MARK4: variants seen among roughly 807,000 people sequenced by gnomAD.
MARK4 encodes the protein microtubule affinity regulating kinase 4.
In MARK4, 19 loss-of-function variants were observed where a neutral mutation model predicts 81.5. The observed-to-expected ratio is 0.23, with a 90% confidence interval of 0.16 to 0.34. MARK4 has a LOEUF of 0.34. Among genes scored for constraint, MARK4 ranks in the 10% least tolerant of loss-of-function variants. The pLI, the probability that MARK4 is intolerant of heterozygous loss-of-function variation, is 1.00. For missense variants in MARK4, 772 were observed against 1,058.8 expected, an observed-to-expected ratio of 0.73 and a Z score of 3.76; for synonymous variants, 436 against 439.0, an observed-to-expected ratio of 0.99 and a Z score of 0.08.
At chr19:45,267,092 A>G (rs1038500705) in intron 7 of MARK4, among the ~76,000 whole-genome samples, 30 of 138,108 alleles carry the variant, frequency 2.2e-4, no homozygotes, top group African/African-American at 7.6e-4. Flanking sequence ...GGAGTTTCAC[A>G]CTGTTGCCCA....
chr19:45,292,263 T>C (rs1387309809), intron 13 of MARK4, among the ~76,000 whole-genome samples: 1 of 149,442 alleles, frequency 6.7e-6, no homozygotes, highest in African/African-American at 2.5e-5. Flanking sequence ...CATGGTGAGA[T>C]CCTATCTCTT....
rs1482410635 is a variant in MARK4 at position 45,304,226 on chromosome 19, C to T, written c.*1516C>T. ...AGATGACTTCAGCAGTTAGAAGTTT[C>T]TATCCCTCCAGCTTTCTGCAGCAGA... On this transcript the variant is annotated 3_prime_UTR_variant, in exon 17 of 17. Coordinates refer to ENST00000262891, the MANE Select transcript of MARK4 (RefSeq NM_001199867.2). 1.3e-5 allele frequency: 2 copies of T among 152,184 alleles called. No individual in the cohort carries two copies. Among genetic ancestry groups the T allele is most frequent in the African/African-American group, 4.8e-5 (2 of 41,440 alleles). 9.4% of individuals were successfully genotyped at this position (152,184 alleles called of 1,614,324 possible).
At chr19:45,264,818 C>T (rs1428555869) in intron 5 of MARK4, 22 bp from the exon 6 acceptor site, 2 of 1,614,010 alleles carry the variant, frequency 1.2e-6, no homozygotes, top group African/African-American at 1.3e-5. Context: ...GACCCTGACC[C>T]CGCTCGGCCT....
intron 16 of MARK4, 80 bp downstream of exon 16, chr19:45,299,935 GA>G (rs1309735014): frequency 1.4e-6 from 2 of 1,416,950 alleles, no homozygotes; most frequent in African/African-American, 2.9e-5. Context: ...CAGGGCATTA[GA>G]TGGGGCCCCA....
rs1340802243 is a variant in MARK4, at chr19:45,304,861, C to T, written c.*2151C>T. On this transcript the variant is annotated 3_prime_UTR_variant, in exon 17 of 17. Transcript: ENST00000262891. ...CCAGGGAGCAAGAGAGAGGACAGGT[C>T]CTCAACAAATGGCATGTGACTTTGT... 6.6e-6 allele frequency: 1 copy of T among 152,362 alleles called. No homozygotes were observed. The highest frequency in any genetic ancestry group is 1.5e-5 in the Non-Finnish European group (1 of 68,206). 9.4% of individuals were successfully genotyped at this position (152,362 alleles called of 1,614,324 possible).
At chr19:45,270,530 C>T (rs1970512226) in intron 7 of MARK4, among the ~76,000 whole-genome samples, 1 of 152,074 alleles carries the variant, frequency 6.6e-6, no homozygotes, top group Non-Finnish European at 1.5e-5. Context: ...ACCTGAAGAC[C>T]CCTAGATCTG....
Position 45,280,614 on chromosome 19 carries a change from C to T in MARK4, c.1156C>T (p.Arg386Trp), listed in dbSNP as rs553814643. Residue 386 changes from arginine to tryptophan, a missense_variant, in exon 12 of 17, where the codon CGG becomes TGG. Around this residue, in one of 3 missense-constraint regions of MARK4, gnomAD observed 548 missense variants for 624.3 expected, o/e 0.88. Coordinates refer to ENST00000262891, the MANE Select transcript of MARK4 (RefSeq NM_001199867.2). Reference sequence around the variant, plus strand: ...GGGCGCCCCAGGGCTGGCCCTGGCACGGGTGCGGGCGCCCAGCGACACCAC... The same window carrying T: ...GGGCGCCCCAGGGCTGGCCCTGGCATGGGTGCGGGCGCCCAGCGACACCAC... ...DRGAPGLALA[R>W]VRAPSDTTNG... 7.0e-6 allele frequency: 11 copies of T among 1,574,214 alleles called. No homozygotes were observed. Among genetic ancestry groups the T allele is most frequent in the African/African-American group, 2.7e-5 (2 of 73,142 alleles).
chr19:45,262,811 C>G (rs745670643), intron 2 of MARK4, among the ~76,000 whole-genome samples: 1 of 152,212 alleles, frequency 6.6e-6, no homozygotes, highest in Non-Finnish European at 1.5e-5. Context: ...GCTGGGCCAG[C>G]TGGAGTGCAG....
At chr19:45,294,260 A>G (rs749118791) in intron 13 of MARK4, 89 bp from the exon 14 acceptor site, 4 of 1,250,830 alleles carry the variant, frequency 3.2e-6, no homozygotes, top group Admixed American at 1.9e-5. Context: ...TGACTTATTC[A>G]TCGATGGGGA....
In MARK4 at chr19:45,280,284, A is replaced by C. The variant is rs935429419; in HGVS notation, c.1007-90A>C. On this transcript the variant is annotated intron_variant, in intron 10 of 16. Transcript: ENST00000262891. ...GCCACTGCACTCCAGCCTGGGTGAC[A>C]GAGTGACACCCTGTCTCAAAAAAAA... is the stretch of plus-strand genomic sequence containing the variant. 6.8e-6 allele frequency: 8 copies of C among 1,172,742 alleles called. No individual in the cohort carries two copies. The African/African-American group carries it at 1.2e-4, about 18-fold the overall frequency. The allele number at this position is 1,172,742 out of a possible 1,614,324, so 72.6% of individuals were successfully genotyped here.
At position 45,261,460 on chromosome 19, in the gene MARK4, C is replaced by T. The variant is rs945727055; in HGVS notation, c.253-1653C>T. ...GATTAAAGAAGAGAAACCATATGAT[C>T]GTCTCAATACTGGCATAAAAAGTGT... On this transcript the variant is annotated intron_variant, in intron 2 of 16. Transcript: ENST00000262891. Among the ~76,000 whole-genome samples, 3 of 152,210 alleles carry T rather than the reference C, an allele frequency of 2.0e-5. No homozygotes were observed. The South Asian group carries it at 6.2e-4, about 32-fold the overall frequency.
In MARK4 at chr19:45,302,055, G is replaced by C. The variant is rs916525258; in HGVS notation, c.1923-319G>C. 1.6e-4 allele frequency among the ~76,000 whole-genome samples: 25 copies of C among 152,130 alleles called. No individual in the cohort carries two copies. The highest frequency in any genetic ancestry group is 3.7e-4 in the Non-Finnish European group (25 of 68,022). On this transcript the variant is annotated intron_variant, in intron 16 of 16. Transcript: ENST00000262891. This position sits in a 1 kb window ranked among gnomAD's most constrained non-coding sequence, Gnocchi z 4.9. ...CTGGCCTGTGCCACTGCTAAGTCCA[G>C]CTCCTGGGAGATGTGGGACAGGAGA...
chr19:45,298,056 T>TTCC (rs899485970), intron 15 of MARK4, 102 bp downstream of exon 15: 54 of 1,491,430 alleles, frequency 3.6e-5, no homozygotes, highest in East Asian at 1.9e-4. Flanking sequence ...ACATTTCCTC[T>TTCC]TCCTCCTCCT....
chr19:45,273,603 G>C (rs1227641718), intron 8 of MARK4, among the ~76,000 whole-genome samples: 1 of 152,110 alleles, frequency 6.6e-6, no homozygotes, highest in Non-Finnish European at 1.5e-5. Flanking sequence ...ACAGTTCTCA[G>C]CCTCTCTTTT....
chr19:45,298,043 C>T, intron 15 of MARK4, 89 bp downstream of exon 15: 1 of 1,552,764 alleles, frequency 6.4e-7, no homozygotes, highest in Non-Finnish European at 8.8e-7. Flanking sequence ...CTCCTGTACC[C>T]CAACATTTCC....
chr19:45,276,215 CAG>C (rs1568496061), intron 8 of MARK4, among the ~76,000 whole-genome samples: 2 of 152,074 alleles, frequency 1.3e-5, no homozygotes, highest in Non-Finnish European at 2.9e-5. Context: ...TTTGTAGAGA[CAG>C]AGTCTCGCTG....
At chr19:45,267,412 A>T (rs1970470153) in intron 7 of MARK4, among the ~76,000 whole-genome samples, 1 of 151,946 alleles carries the variant, frequency 6.6e-6, no homozygotes, top group Non-Finnish European at 1.5e-5. Context: ...GCAGGAAGGG[A>T]CTCAACGGGG....
chr19:45,255,543 A>G (rs1171020807), intron 1 of MARK4, among the ~76,000 whole-genome samples: 2 of 149,162 alleles, frequency 1.3e-5, no homozygotes, highest in African/African-American at 2.5e-5. Flanking sequence ...CCTGGGCAAC[A>G]AGAGTGAAAC....
chr19:45,280,288 T>A, intron 10 of MARK4, 86 bp from the exon 11 acceptor site: 1 of 1,214,230 alleles, frequency 8.2e-7, no homozygotes, highest in Non-Finnish European at 1.2e-6. Context: ...GGTGACAGAG[T>A]GACACCCTGT....
Sources: gnomAD v4.1 joint callset for allele counts (sites outside exome capture counted in the v4.1 genomes callset) on GRCh38, gnomAD v4.1.1 for gene constraint, gnomAD v4.1.1 regional missense constraint, Gnocchi (gnomAD v3.1) non-coding constraint, MANE v1.5 for transcripts, NCBI Gene and HGNC (gene_info 2026-07-23, HGNC 2026-07-21) for gene names.